LHFPL6: variants seen among roughly 807,000 people sequenced by gnomAD.
The protein encoded by LHFPL6 is LHFPL tetraspan subfamily member 6.
A neutral mutation model predicts 20.6 loss-of-function variants in LHFPL6; 9 were observed. The ratio of observed to expected loss-of-function variants is 0.44; its 90% CI spans 0.26 to 0.76. The LOEUF is 0.76. Ranked by LOEUF, LHFPL6 falls within the 30% of genes least tolerant of loss-of-function variation. The pLI is 0.20. For missense variants in LHFPL6, 218 were observed against 253.5 expected (o/e 0.86, Z 0.95); for synonymous variants, 105 against 98.7 (o/e 1.06, Z -0.38).
At chr13:39,379,730 G>A (rs1870389229) in intron 2 of LHFPL6, among the ~76,000 whole-genome samples, 1 of 152,098 alleles carries the variant, frequency 6.6e-6, no homozygotes, top group African/African-American at 2.4e-5. Context: ...CAACTACCCT[G>A]AGGAAAGGCC....
chr13:39,592,796 TG>T (rs1259027843), intron 2 of LHFPL6, among the ~76,000 whole-genome samples: 1 of 152,186 alleles, frequency 6.6e-6, no homozygotes, highest in Non-Finnish European at 1.5e-5. Context: ...GCTTCATCCC[TG>T]GGATGCAAGG....
intron 2 of LHFPL6, among the ~76,000 whole-genome samples, chr13:39,469,033 T>A (rs906070950): frequency 3.3e-5 from 5 of 152,168 alleles, no homozygotes; most frequent in African/African-American, 1.2e-4. Flanking sequence ...AGTAACTGTT[T>A]TAGGTGAAAA....
chr13:39,546,692 C>T (rs917531182), intron 2 of LHFPL6, among the ~76,000 whole-genome samples: 30 of 152,088 alleles, frequency 2.0e-4, no homozygotes, highest in Admixed American at 1.5e-3. Flanking sequence ...CATCTCTATT[C>T]CTCACTTATG....
intron 2 of LHFPL6, among the ~76,000 whole-genome samples, chr13:39,413,421 G>T (rs1033059321): frequency 7.4e-6 from 1 of 135,668 alleles, no homozygotes; most frequent in East Asian, 2.4e-4. Context: ...TGTCAAACCC[G>T]AAACTACTCA....
At chr13:39,508,944 C>T (rs1163063345) in intron 2 of LHFPL6, among the ~76,000 whole-genome samples, 1 of 151,940 alleles carries the variant, frequency 6.6e-6, no homozygotes, top group Non-Finnish European at 1.5e-5. Context: ...ATGGTTGTAC[C>T]ATTTTACATT....
intron 2 of LHFPL6, among the ~76,000 whole-genome samples, chr13:39,401,120 T>C (rs956656601): frequency 6.6e-6 from 1 of 152,230 alleles, no homozygotes; most frequent in East Asian, 1.9e-4. Context: ...ATATCCATAG[T>C]AGACACACTG....
At chr13:39,383,048 G>A (rs1051862626) in intron 2 of LHFPL6, among the ~76,000 whole-genome samples, 1 of 152,226 alleles carries the variant, frequency 6.6e-6, no homozygotes, top group Admixed American at 6.5e-5. Flanking sequence ...TGCTACCACC[G>A]TATGTTATGG....
chr13:39,587,593 A>T (rs1234022673), intron 2 of LHFPL6, among the ~76,000 whole-genome samples: 1 of 152,126 alleles, frequency 6.6e-6, no homozygotes, highest in Non-Finnish European at 1.5e-5. Flanking sequence ...AATTTGAATT[A>T]TGTATTGTGT....
At chr13:39,440,053 C>T (rs555207099) in intron 2 of LHFPL6, among the ~76,000 whole-genome samples, 2 of 152,206 alleles carry the variant, frequency 1.3e-5, no homozygotes, top group South Asian at 4.1e-4. Flanking sequence ...TACACAGAGC[C>T]TGAATGGTGA....
rs1419558080 is a variant in LHFPL6 at position 39,344,016 on chromosome 13, C to T, written c.523G>A (p.Ala175Thr). 3.7e-6 allele frequency: 6 copies of T among 1,613,652 alleles called. No individual in the cohort carries two copies. The highest frequency in any genetic ancestry group is 1.6e-4 in the Middle Eastern group (1 of 6,082). ...EIGWAYYCTGAGATAAMLLCT... is the reference protein window; with the variant it reads ...EIGWAYYCTGTGATAAMLLCT... ...AGCAGCATGGCGGCAGTGGCACCTGCTCCCGTGCAGTAGTAGGCCCAGCCG... is the reference window on the plus strand; with the variant it reads ...AGCAGCATGGCGGCAGTGGCACCTGTTCCCGTGCAGTAGTAGGCCCAGCCG... The change falls in exon 4 of 4, where the codon GCA (alanine) becomes ACA (threonine). Residue 175 changes from alanine (A) to threonine (T), a missense_variant. Coordinates refer to ENST00000379589, the MANE Select transcript of LHFPL6 (RefSeq NM_005780.3).
At chr13:39,600,746 T>C (rs1872910606) in intron 2 of LHFPL6, 86 bp downstream of exon 2, 2 of 1,314,766 alleles carry the variant, frequency 1.5e-6, no homozygotes, top group Admixed American at 5.0e-5. Context: ...GTGTCATTTA[T>C]AATAATCTCA....
chr13:39,347,347 A>C lies in LHFPL6; in HGVS notation c.485-3293T>G, dbSNP rs114214898. On this transcript the variant is annotated intron_variant, in intron 3 of 3. Coordinates refer to ENST00000379589, the MANE Select transcript of LHFPL6 (RefSeq NM_005780.3). ...CCAGGCCTCTGGTAAACACCTAATA[A>C]ATAATTGTTGAATGAAAGGCAAGGT... is the stretch of plus-strand genomic sequence containing the variant. Among the ~76,000 whole-genome samples, 1,132 of 152,282 alleles carry C rather than the reference A, an allele frequency of 7.4e-3. 18 individuals carry two copies. The highest frequency in any genetic ancestry group is 0.026 in the African/African-American group (1,080 of 41,556).
At chr13:39,455,899 C>A (rs1751398290) in intron 2 of LHFPL6, among the ~76,000 whole-genome samples, 3 of 152,108 alleles carry the variant, frequency 2.0e-5, no homozygotes, top group Admixed American at 6.6e-5. Context: ...TTCAGATGAA[C>A]CATGTTATGA....
At chr13:39,591,167 T>C (rs942799396) in intron 2 of LHFPL6, among the ~76,000 whole-genome samples, 2 of 152,100 alleles carry the variant, frequency 1.3e-5, no homozygotes, top group Admixed American at 1.3e-4. Flanking sequence ...AAGTAAAAAA[T>C]AGTAACTCAA....
chr13:39,549,101 T>G (rs1238026847), intron 2 of LHFPL6, among the ~76,000 whole-genome samples: 1 of 152,130 alleles, frequency 6.6e-6, no homozygotes, highest in Non-Finnish European at 1.5e-5. Flanking sequence ...TCAAAAGATT[T>G]TGAAGAGATG....
chr13:39,434,042 T>C (rs1452038970), intron 2 of LHFPL6, among the ~76,000 whole-genome samples: 2 of 152,178 alleles, frequency 1.3e-5, no homozygotes, highest in Non-Finnish European at 2.9e-5. Context: ...ATTCCTATTT[T>C]TCTTCCCACC....
intron 2 of LHFPL6, among the ~76,000 whole-genome samples, chr13:39,414,134 C>T (rs1021239672): frequency 8.5e-5 from 13 of 152,270 alleles, no homozygotes; most frequent in African/African-American, 2.2e-4. Context: ...TTCTCATATG[C>T]CGTTTCATTC....
intron 2 of LHFPL6, among the ~76,000 whole-genome samples, chr13:39,551,095 C>G (rs999561621): frequency 2.0e-5 from 3 of 152,120 alleles, no homozygotes; most frequent in Non-Finnish European, 2.9e-5. Context: ...TAGCAACTGA[C>G]CCTGATTAAT....
intron 2 of LHFPL6, among the ~76,000 whole-genome samples, chr13:39,581,597 C>CTTT (rs36025782): frequency 7.1e-6 from 1 of 141,114 alleles, no homozygotes; most frequent in African/African-American, 2.6e-5. Flanking sequence ...CTCTCTCTCT[C>CTTT]TTTTTTTTTT....
Sources: allele counts gnomAD v4.1 joint callset (sites outside exome capture counted in the v4.1 genomes callset), GRCh38; gene constraint gnomAD v4.1.1; transcripts MANE v1.5; gene names NCBI Gene and HGNC (gene_info 2026-07-23, HGNC 2026-07-21).